Variants in ABAT observed in about 807,000 individuals in gnomAD.
ABAT encodes the protein 4-aminobutyrate aminotransferase, also known as 4-aminobutyrate aminotransferase, mitochondrial.
Under a neutral mutation model 64.6 loss-of-function variants are expected in ABAT, and 45 were observed. The observed-to-expected ratio is 0.70, with a 90% confidence interval of 0.55 to 0.89. ABAT has a LOEUF of 0.89. Ranked by LOEUF, ABAT falls within the 40% of genes least tolerant of loss-of-function variation. ABAT has a pLI of 0.00. For synonymous variants in ABAT, 297 were observed against 250.5 expected (o/e 1.19, Z -1.75); for missense variants, 633 against 658.4 (o/e 0.96, Z 0.42).
intron 1 of ABAT, among the ~76,000 whole-genome samples, chr16:8,734,568 C>T (rs1398791161): frequency 6.6e-6 from 1 of 152,098 alleles, no homozygotes; most frequent in African/African-American, 2.4e-5. Flanking sequence ...CATGGTTGTA[C>T]ATGTTAATAA....
At chr16:8,693,867 A>G (rs1373600135) in intron 1 of ABAT, among the ~76,000 whole-genome samples, 1 of 151,746 alleles carries the variant, frequency 6.6e-6, no homozygotes, top group African/African-American at 2.4e-5. Flanking sequence ...GTAGATTCAC[A>G]CACAGTCATA....
chr16:8,701,176 G>C (rs182791607), intron 1 of ABAT, among the ~76,000 whole-genome samples: 127 of 152,154 alleles, frequency 8.3e-4, no homozygotes, highest in African/African-American at 2.7e-3. Flanking sequence ...GAACTAAAGT[G>C]ATCTACCTGG....
intron 1 of ABAT, among the ~76,000 whole-genome samples, chr16:8,735,294 C>G (rs1473500509): frequency 2.6e-5 from 4 of 151,752 alleles, no homozygotes; most frequent in Non-Finnish European, 5.9e-5. Context: ...CTTTGTCACC[C>G]AGGCTGGAGA....
rs1010430718 is a variant in ABAT, at chr16:8,735,629, G to A, written c.-41-70G>A. The A allele has an allele frequency of 2.4e-6, 3 of 1,254,014 alleles. No individual in the cohort carries two copies. In the African/African-American group the frequency reaches 4.4e-5, roughly 19 times the overall value. 77.7% of individuals were successfully genotyped at this position (1,254,014 alleles called of 1,614,324 possible). A position where few individuals can be genotyped will look rare whatever the true frequency, so the allele number is the denominator to read the frequency against. On this transcript the variant is annotated intron_variant, in intron 1 of 15. Transcript: ENST00000268251. ...TTTCTCTATTAGGTGGGAAGTGGTG[G>A]GGATGGGATCTTTGGCTGAGAGGGG...
chr16:8,723,827 A>ATATATTT (rs1567286201), intron 1 of ABAT, among the ~76,000 whole-genome samples: 4 of 40,358 alleles, frequency 9.9e-5, no homozygotes, highest in Admixed American at 5.3e-4. Flanking sequence ...ATATATATAT[A>ATATATTT]TTTTTTTTTT....
chr16:8,724,496 C>G (rs999494489), intron 1 of ABAT, among the ~76,000 whole-genome samples: 7 of 152,066 alleles, frequency 4.6e-5, no homozygotes, highest in Non-Finnish European at 8.8e-5. Context: ...CTTTGGGAGG[C>G]CAAGGTGGGA....
chr16:8,726,260 A>ATTTTT (rs1217567478), intron 1 of ABAT, among the ~76,000 whole-genome samples: 1 of 52,942 alleles, frequency 1.9e-5, no homozygotes, highest in Non-Finnish European at 4.9e-5. Context: ...AAATGACTAG[A>ATTTTT]TCTTTTTTTT....
chr16:8,763,081 C>T (rs970511563), intron 6 of ABAT, among the ~76,000 whole-genome samples: 3 of 143,452 alleles, frequency 2.1e-5, no homozygotes, highest in Admixed American at 1.5e-4. Flanking sequence ...TGCACTCCAA[C>T]CTGAGAGAGC....
chr16:8,760,959 G>C (rs911800676), intron 6 of ABAT, among the ~76,000 whole-genome samples: 1 of 152,136 alleles, frequency 6.6e-6, no homozygotes, highest in African/African-American at 2.4e-5. Flanking sequence ...CATACCTGTA[G>C]TCCCAGCTAC....
At chr16:8,694,048 G>C (rs1174959594) in intron 1 of ABAT, among the ~76,000 whole-genome samples, 1 of 151,056 alleles carries the variant, frequency 6.6e-6, no homozygotes, top group East Asian at 1.9e-4. Context: ...TTTATTTTTT[G>C]AGACAGAATC....
chr16:8,711,945 A>G (rs2058087586), intron 1 of ABAT, among the ~76,000 whole-genome samples: 1 of 151,230 alleles, frequency 6.6e-6, no homozygotes. Flanking sequence ...AACCATATGA[A>G]ATTACTATTT....
chr16:8,681,166 G>A (rs56188749), intron 1 of ABAT, among the ~76,000 whole-genome samples: 13 of 151,612 alleles, frequency 8.6e-5, no homozygotes, highest in African/African-American at 2.7e-4. Flanking sequence ...GCATTTTTTT[G>A]TTGTTGTTGA....
At chr16:8,769,952 G>T (rs548327566) in intron 11 of ABAT, among the ~76,000 whole-genome samples, 1 of 152,224 alleles carries the variant, frequency 6.6e-6, no homozygotes, top group African/African-American at 2.4e-5. Flanking sequence ...TAGATGTCAA[G>T]CAAGGTGCTA....
intron 15 of ABAT, among the ~76,000 whole-genome samples, 154 bp downstream of exon 15, chr16:8,779,744 G>C (rs1030435307): frequency 5.9e-5 from 9 of 152,146 alleles, no homozygotes; most frequent in Non-Finnish European, 1.2e-4. Context: ...CCAAAGAAGA[G>C]AACATTACAA....
chr16:8,676,714 C>G (rs1244191030), intron 1 of ABAT, among the ~76,000 whole-genome samples: 1 of 152,242 alleles, frequency 6.6e-6, no homozygotes, highest in Non-Finnish European at 1.5e-5. Flanking sequence ...AGGAACCTCA[C>G]TTGCATAGCT....
In ABAT at chr16:8,743,429, A is replaced by ATG. The variant is rs2059228654; in HGVS notation, c.71-2571_71-2570insGT. 2.8e-4 allele frequency among the ~76,000 whole-genome samples: 20 copies of ATG among 71,740 alleles called. No homozygotes were observed. The South Asian group carries it at 9.0e-3, about 32-fold the overall frequency. The allele number at this position is 71,740 out of a possible 152,430, so 47.1% of individuals were successfully genotyped here. ...TCTTGTGTAATGGAAACAGTTATAT[A>ATG]TATATATATATATATACACACATTT... On this transcript the variant is annotated intron_variant, in intron 2 of 15. Coordinates refer to ENST00000268251, the MANE Select transcript of ABAT (RefSeq NM_020686.6).
intron 4 of ABAT, among the ~76,000 whole-genome samples, chr16:8,748,482 GT>G: frequency 6.6e-6 from 1 of 152,164 alleles, no homozygotes; most frequent in South Asian, 2.1e-4. Context: ...TATTCCATAT[GT>G]ACTTGAGAAG....
rs752760377 is a variant in ABAT, at chr16:8,748,090, T to C, written c.169-18T>C. The C allele has an allele frequency of 1.5e-5, 24 of 1,612,890 alleles. No individual in the cohort carries two copies. The highest frequency in any genetic ancestry group is 1.9e-5 in the Non-Finnish European group (22 of 1,178,988). On this transcript the variant is annotated intron_variant, in intron 3 of 15. Coordinates refer to ENST00000268251, the MANE Select transcript of ABAT (RefSeq NM_020686.6). ...GAGTGTGGACTTGCTATAATGCTTT[T>C]GTTGTTCTTGCCTGCAGGAGTTAAT...
intron 9 of ABAT, 42 bp downstream of exon 9, chr16:8,766,312 T>C: frequency 1.3e-6 from 2 of 1,594,222 alleles, no homozygotes; most frequent in South Asian, 2.2e-5. Context: ...CTGGGGAAGC[T>C]GCACAGCCTC....
Sources: allele counts gnomAD v4.1 joint callset (sites outside exome capture counted in the v4.1 genomes callset), GRCh38; gene constraint gnomAD v4.1.1; transcripts MANE v1.5; gene names NCBI Gene and HGNC (gene_info 2026-07-23, HGNC 2026-07-21).